ACBD6: variants seen among roughly 807,000 people sequenced by gnomAD.
The protein encoded by ACBD6 is acyl-CoA-binding domain-containing protein 6.
Under a neutral mutation model 37.2 loss-of-function variants are expected in ACBD6, and 28 were observed. That is an observed-to-expected ratio of 0.75 (90% CI 0.56 to 1.03). The LOEUF is 1.03. Among genes scored for constraint, ACBD6 ranks in the 50% least tolerant of loss-of-function variants. The pLI is 0.00. For missense variants in ACBD6, 340 were observed against 337.4 expected (o/e 1.01, Z -0.06); for synonymous variants, 113 against 126.8 (o/e 0.89, Z 0.73).
chr1:180,457,537 T>C (rs531784772), intron 3 of ACBD6, among the ~76,000 whole-genome samples: 1 of 152,144 alleles, frequency 6.6e-6, no homozygotes, highest in East Asian at 1.9e-4. Context: ...CTGTCAGACC[T>C]GAGTTCTGCT....
chr1:180,309,532 A>G (rs1199752733), intron 7 of ACBD6, among the ~76,000 whole-genome samples: 1 of 152,220 alleles, frequency 6.6e-6, no homozygotes, highest in Non-Finnish European at 1.5e-5. Context: ...AGGCACTGAA[A>G]AACACCTGAA....
intron 3 of ACBD6, among the ~76,000 whole-genome samples, chr1:180,479,058 A>G (rs778992457): frequency 2.2e-4 from 34 of 152,208 alleles, no homozygotes; most frequent in Non-Finnish European, 4.0e-4. Flanking sequence ...ACTTGAGCCC[A>G]GGAGTTTGAG....
At chr1:180,290,921 AT>A (rs1288026462) in intron 7 of ACBD6, among the ~76,000 whole-genome samples, 3 of 152,216 alleles carry the variant, frequency 2.0e-5, no homozygotes, top group South Asian at 2.1e-4. Context: ...ACAGGCATTT[AT>A]GAGGAGTGGA....
intron 6 of ACBD6, among the ~76,000 whole-genome samples, chr1:180,314,939 T>C (rs955116188): frequency 6.6e-6 from 1 of 152,214 alleles, no homozygotes; most frequent in Non-Finnish European, 1.5e-5. Flanking sequence ...GCAGCTACAA[T>C]GGAGTAACAG....
intron 4 of ACBD6, among the ~76,000 whole-genome samples, chr1:180,425,568 A>G (rs541315912): frequency 4.6e-5 from 7 of 152,356 alleles, no homozygotes; most frequent in African/African-American, 1.7e-4. Context: ...TGTTAAATGC[A>G]TAAAAATCCA....
At chr1:180,491,514 T>C (rs1417694369) in intron 3 of ACBD6, among the ~76,000 whole-genome samples, 4 of 152,198 alleles carry the variant, frequency 2.6e-5, no homozygotes, top group East Asian at 3.8e-4. Flanking sequence ...TATTGTTTTA[T>C]ACTATTAAAG....
chr1:180,386,046 T>C (rs1378179742), intron 6 of ACBD6, among the ~76,000 whole-genome samples: 1 of 152,146 alleles, frequency 6.6e-6, no homozygotes, highest in African/African-American at 2.4e-5. Flanking sequence ...GGTGCGTACC[T>C]GTAGCCCCAG....
chr1:180,436,331 C>T (rs961060237), intron 3 of ACBD6, among the ~76,000 whole-genome samples: 1 of 152,166 alleles, frequency 6.6e-6, no homozygotes, highest in Non-Finnish European at 1.5e-5. Context: ...GAGAAGCTCA[C>T]TACTTGATGG....
In ACBD6 at chr1:180,502,370, G is replaced by A. The variant is rs1652022051; in HGVS notation, c.-104C>T. On this transcript the variant is annotated 5_prime_UTR_variant, in exon 1 of 8. Transcript: ENST00000367595. ...CCACCAGTCTGGGTCGCGAGCCTGA[G>A]CTCCAGTCGGACCCAAGCTCAGTCG... 7.8e-7 allele frequency: 1 copy of A among 1,283,814 alleles called. No homozygotes were observed. Among genetic ancestry groups the A allele is most frequent in the African/African-American group, 1.5e-5 (1 of 68,316 alleles). 79.5% of individuals were successfully genotyped at this position (1,283,814 alleles called of 1,614,324 possible). A position where few individuals can be genotyped will look rare whatever the true frequency, so the allele number is the denominator to read the frequency against.
chr1:180,297,682 G>C (rs571486237), intron 7 of ACBD6, among the ~76,000 whole-genome samples: 2 of 152,264 alleles, frequency 1.3e-5, no homozygotes, highest in African/African-American at 2.4e-5. Context: ...ATTCAAGAGA[G>C]TGTTTAGGAT....
chr1:180,281,916 T>G (rs971655911), intron 8 of ACBD6, among the ~76,000 whole-genome samples: 1 of 152,238 alleles, frequency 6.6e-6, no homozygotes, highest in Non-Finnish European at 1.5e-5. Context: ...GGGAAGAGTA[T>G]ATCACATCCT....
At chr1:180,303,800 C>CA (rs1212950850) in intron 7 of ACBD6, among the ~76,000 whole-genome samples, 5 of 150,346 alleles carry the variant, frequency 3.3e-5, no homozygotes, top group African/African-American at 1.2e-4. Context: ...AGAGACACAA[C>CA]AAAAAAAGAG....
intron 6 of ACBD6, among the ~76,000 whole-genome samples, chr1:180,369,010 T>C (rs926826894): frequency 2.6e-5 from 4 of 152,202 alleles, no homozygotes; most frequent in Non-Finnish European, 5.9e-5. Context: ...AGGGAACTCA[T>C]TTTAAAAACA....
rs558205204 is a variant in ACBD6, at chr1:180,439,136, ACATAAAATTTACCATTTTAAC to A, written c.385-8895_385-8875del. Among the ~76,000 whole-genome samples, 28 of 152,310 alleles carry A rather than the reference ACATAAAATTTACCATTTTAAC, an allele frequency of 1.8e-4. No individual in the cohort carries two copies. In the South Asian group the frequency reaches 5.8e-3, roughly 32 times the overall value. On this transcript the variant is annotated intron_variant, in intron 3 of 7. Transcript: ENST00000367595. Reference sequence around the variant, plus strand: ...TTTTAAAAATTTTAAATTATTGTAAACATAAAATTTACCATTTTAACCATTTTTGGTATTTAACTCAGTAGT... The same window carrying A: ...TTTTAAAAATTTTAAATTATTGTAAACATTTTTGGTATTTAACTCAGTAGT...
At chr1:180,395,740 T>C (rs553299777) in intron 6 of ACBD6, among the ~76,000 whole-genome samples, 4 of 152,288 alleles carry the variant, frequency 2.6e-5, no homozygotes, top group South Asian at 2.1e-4. Flanking sequence ...GGAAACAATA[T>C]GGCAATTCCT....
chr1:180,400,717 A>G (rs1647315198), intron 5 of ACBD6, among the ~76,000 whole-genome samples: 1 of 152,190 alleles, frequency 6.6e-6, no homozygotes. Context: ...ACTCACTAAC[A>G]TAACCAGTAA....
chr1:180,346,700 T>A (rs1652193583), intron 6 of ACBD6, among the ~76,000 whole-genome samples: 1 of 152,100 alleles, frequency 6.6e-6, no homozygotes, highest in African/African-American at 2.4e-5. Flanking sequence ...AACAAAAGTG[T>A]GTTAAGTTGC....
chr1:180,452,888 C>T (rs1649769600), intron 3 of ACBD6, among the ~76,000 whole-genome samples: 1 of 152,144 alleles, frequency 6.6e-6, no homozygotes, highest in Non-Finnish European at 1.5e-5. Context: ...CCTGAATAGA[C>T]CAATAACAAG....
intron 6 of ACBD6, among the ~76,000 whole-genome samples, chr1:180,346,390 A>G (rs1268364231): frequency 2.0e-5 from 3 of 152,222 alleles, no homozygotes; most frequent in Non-Finnish European, 4.4e-5. Context: ...GTAAGCCCCA[A>G]TGACCCAGGC....
Sources: gnomAD v4.1 joint callset for allele counts (sites outside exome capture counted in the v4.1 genomes callset) on GRCh38, gnomAD v4.1.1 for gene constraint, MANE v1.5 for transcripts, NCBI Gene and HGNC (gene_info 2026-07-23, HGNC 2026-07-21) for gene names.